The following DACH1 variants were observed in gnomAD, a reference collection of about 807,000 sequenced individuals.
DACH1 encodes the protein dachshund family transcription factor 1.
A neutral mutation model predicts 54.2 loss-of-function variants in DACH1; 12 were observed. The observed-to-expected ratio is 0.22, with a 90% CI of 0.14 to 0.36. DACH1 has a LOEUF of 0.36. DACH1 is among the 10% of genes least tolerant of loss of function. The probability of loss-of-function intolerance (pLI) is 1.00; values close to 1 mark genes in which losing one functional copy is unlikely to be tolerated. For missense variants in DACH1, 805 were observed against 929.8 expected, an observed-to-expected ratio of 0.87 and a Z score of 1.75; for synonymous variants, 386 against 366.2, an observed-to-expected ratio of 1.05 and a Z score of -0.62.
intron 1 of DACH1, among the ~76,000 whole-genome samples, chr13:71,714,031 C>T (rs946937534): frequency 6.6e-6 from 1 of 151,960 alleles, no homozygotes; most frequent in African/African-American, 2.4e-5. Context: ...TCTACAGATA[C>T]TTGAATATCA....
At chr13:71,558,542 T>C (rs1405271889) in intron 5 of DACH1, among the ~76,000 whole-genome samples, 8 of 151,910 alleles carry the variant, frequency 5.3e-5, no homozygotes, top group African/African-American at 9.7e-5. Context: ...TTTTTTTTTC[T>C]CTAGGACAGC....
intron 6 of DACH1, among the ~76,000 whole-genome samples, chr13:71,506,620 A>G (rs2138246127): frequency 6.6e-6 from 1 of 152,200 alleles, no homozygotes; most frequent in African/African-American, 2.4e-5. Context: ...CCAAAAGAAC[A>G]AAGCTGGAGG....
chr13:71,820,481 AT>A (rs141330401), intron 1 of DACH1, among the ~76,000 whole-genome samples: 129 of 152,322 alleles, frequency 8.5e-4, no homozygotes, highest in African/African-American at 2.9e-3. Flanking sequence ...GTTTGAATCT[AT>A]TCCAAGTGCT....
chr13:71,656,416 A>G (rs1020434315), intron 2 of DACH1, among the ~76,000 whole-genome samples: 1 of 152,010 alleles, frequency 6.6e-6, no homozygotes, highest in African/African-American at 2.4e-5. Context: ...TCAAACTTCT[A>G]TTTGTCAGTA....
chr13:71,736,376 G>A (rs1020825729), intron 1 of DACH1, among the ~76,000 whole-genome samples: 3 of 152,068 alleles, frequency 2.0e-5, no homozygotes, highest in Non-Finnish European at 4.4e-5. Context: ...AATGACAAAG[G>A]CCTTGAACAT....
intron 1 of DACH1, among the ~76,000 whole-genome samples, chr13:71,863,624 C>T (rs1593662690): frequency 6.6e-6 from 1 of 152,072 alleles, no homozygotes; most frequent in Admixed American, 6.6e-5. Context: ...GGGGAAAAAA[C>T]TTGAAAAATA....
At chr13:71,805,384 G>A (rs2138136009) in intron 1 of DACH1, among the ~76,000 whole-genome samples, 1 of 152,196 alleles carries the variant, frequency 6.6e-6, no homozygotes, top group African/African-American at 2.4e-5. Flanking sequence ...TTCCCATTAT[G>A]TTTAAAAATG....
intron 2 of DACH1, among the ~76,000 whole-genome samples, chr13:71,654,769 A>G (rs1878976826): frequency 6.6e-6 from 1 of 152,186 alleles, no homozygotes; most frequent in Non-Finnish European, 1.5e-5. Context: ...TCACCAAATG[A>G]TCTCAAATAC....
intron 2 of DACH1, among the ~76,000 whole-genome samples, chr13:71,647,851 C>T (rs1479518345): frequency 6.6e-6 from 1 of 152,176 alleles, no homozygotes; most frequent in African/African-American, 2.4e-5. Context: ...TTGCTATTTC[C>T]AATATTCCAA....
chr13:71,866,488 G>T lies in DACH1; in HGVS notation c.282C>A (p.Gly94=), dbSNP rs1308706040. ...GGGGSSGNGG[G]GGGGGGGSNC... ...TGCTGCCACCGCCGCCGCCGCCACC[G>T]CCGCCTCCGTTGCCGCTGCTGCCGC... The change falls in exon 1 of 11, where the codon GGC becomes GGA. Residue 94 remains glycine (G), a synonymous_variant. Transcript: ENST00000613252. 4 of 1,244,650 alleles carry T rather than the reference G, an allele frequency of 3.2e-6. No individual in the cohort carries two copies. The Admixed American group carries it at 1.1e-4, about 34-fold the overall frequency. The allele number at this position is 1,244,650 out of a possible 1,614,324, so 77.1% of individuals were successfully genotyped here. A position where few individuals can be genotyped will look rare whatever the true frequency, so the allele number is the denominator to read the frequency against.
At chr13:71,853,866 T>C (rs1322402372) in intron 1 of DACH1, among the ~76,000 whole-genome samples, 1 of 152,210 alleles carries the variant, frequency 6.6e-6, no homozygotes, top group Admixed American at 6.5e-5. Context: ...TAATCTAGCA[T>C]CTGTCATTCC....
intron 10 of DACH1, among the ~76,000 whole-genome samples, chr13:71,450,033 A>C (rs1874882188): frequency 6.6e-6 from 1 of 152,120 alleles, no homozygotes; most frequent in Admixed American, 6.5e-5. Context: ...ACTAACCTGC[A>C]CGTTGTGCAC....
chr13:71,826,752 T>C (rs1158253754), intron 1 of DACH1, among the ~76,000 whole-genome samples: 2 of 152,146 alleles, frequency 1.3e-5, no homozygotes. Flanking sequence ...TATTCCGAAG[T>C]AGATCCTTGA....
chr13:71,514,675 T>C (rs1171060685), intron 6 of DACH1, among the ~76,000 whole-genome samples: 2 of 152,012 alleles, frequency 1.3e-5, no homozygotes, highest in East Asian at 3.9e-4. Context: ...ATATCCTTTA[T>C]GTTAGACAGA....
intron 1 of DACH1, among the ~76,000 whole-genome samples, chr13:71,829,867 T>C (rs912112892): frequency 2.6e-5 from 4 of 151,896 alleles, no homozygotes; most frequent in Non-Finnish European, 4.4e-5. Context: ...GACCATCTAG[T>C]AATAAAGATT....
chr13:71,481,393 TG>T (rs1200491648), intron 7 of DACH1, among the ~76,000 whole-genome samples: 1 of 152,214 alleles, frequency 6.6e-6, no homozygotes, highest in Non-Finnish European at 1.5e-5. Flanking sequence ...TGTTGAATAA[TG>T]TTAAACTGCA....
At chr13:71,800,548 T>C (rs1887250736) in intron 1 of DACH1, among the ~76,000 whole-genome samples, 1 of 152,068 alleles carries the variant, frequency 6.6e-6, no homozygotes, top group South Asian at 2.1e-4. Flanking sequence ...CGACTGCCTA[T>C]AAAGAAAGTA....
rs1030988526 is a variant in DACH1, at chr13:71,826,437, T to C, written c.848+39485A>G. 2.0e-5 allele frequency among the ~76,000 whole-genome samples: 3 copies of C among 152,006 alleles called. No individual in the cohort carries two copies. In the East Asian group the frequency reaches 5.8e-4, roughly 30 times the overall value. On this transcript the variant is annotated intron_variant, in intron 1 of 10. Coordinates refer to ENST00000613252, the MANE Select transcript of DACH1 (RefSeq NM_080759.6). Reference sequence around the variant, plus strand: ...TTTCTTATGAGCAAGGCTGTGATCATGATTTCTCACGTGGCCAGCTGGTAC... The same window carrying C: ...TTTCTTATGAGCAAGGCTGTGATCACGATTTCTCACGTGGCCAGCTGGTAC...
chr13:71,796,797 C>A (rs531296140), intron 1 of DACH1, among the ~76,000 whole-genome samples: 1 of 152,136 alleles, frequency 6.6e-6, no homozygotes, highest in South Asian at 2.1e-4. Flanking sequence ...TTAGAAAATT[C>A]ACCAGTAAAC....
Sources: allele counts gnomAD v4.1 joint callset (sites outside exome capture counted in the v4.1 genomes callset), GRCh38; gene constraint gnomAD v4.1.1; transcripts MANE v1.5; gene names NCBI Gene and HGNC (gene_info 2026-07-23, HGNC 2026-07-21).